NRXN3: variants seen among roughly 807,000 people sequenced by gnomAD.
NRXN3 encodes neurexin III.
Under a neutral mutation model 137.6 loss-of-function variants are expected in NRXN3, and 32 were observed. The ratio of observed to expected loss-of-function variants is 0.23; its 90% confidence interval spans 0.18 to 0.31. The LOEUF (loss-of-function observed/expected upper bound fraction) is 0.31. Among genes scored for constraint, NRXN3 ranks in the 10% least tolerant of loss-of-function variants. NRXN3 has a pLI of 1.00. For synonymous variants in NRXN3, 798 were observed against 784.5 expected, an observed-to-expected ratio of 1.02 and a Z score of -0.29; for missense variants, 1,574 against 2,062.5, an observed-to-expected ratio of 0.76 and a Z score of 4.59.
At chr14:78,240,374 A>G (rs1596292471) in intron 1 of NRXN3, among the ~76,000 whole-genome samples, 1 of 152,186 alleles carries the variant, frequency 6.6e-6, no homozygotes, top group Non-Finnish European at 1.5e-5. Flanking sequence ...CTTCTCTATG[A>G]GGAACATATA....
At chr14:79,006,738 T>C (rs976694500) in intron 15 of NRXN3, among the ~76,000 whole-genome samples, 1 of 152,212 alleles carries the variant, frequency 6.6e-6, no homozygotes, top group African/African-American at 2.4e-5. Context: ...ATATTTATTC[T>C]ATGATTTCCA....
chr14:79,611,959 C>T (rs1000713573), intron 16 of NRXN3: 1 of 152,098 alleles, frequency 6.6e-6, no homozygotes, highest in African/African-American at 2.4e-5. Flanking sequence ...ATTATTAAGG[C>T]AATTAGGAAA....
chr14:78,768,135 G>C (rs928513345), intron 8 of NRXN3, among the ~76,000 whole-genome samples: 7 of 149,094 alleles, frequency 4.7e-5, no homozygotes, highest in Non-Finnish European at 8.9e-5. Context: ...CCAACAAAGA[G>C]AGACTACATG....
Position 79,533,199 on chromosome 14 carries a change from CTG to C in NRXN3, c.3444+65798_3444+65799del, listed in dbSNP as rs200985233. Among the ~76,000 whole-genome samples the C allele has an allele frequency of 9.7e-3, 1,473 of 152,202 alleles. 40 individuals carry two copies. Among genetic ancestry groups the C allele is most frequent in the Middle Eastern group, 0.031 (9 of 294 alleles). On this transcript the variant is annotated intron_variant, in intron 16 of 20. Transcript: ENST00000335750. ...TATACCCATTTTACAGATGAGAAAA[CTG>C]AGAGAGACCTTAAGGAGCTTTCTCA...
intron 15 of NRXN3, among the ~76,000 whole-genome samples, chr14:79,188,795 A>G (rs1342993034): frequency 2.6e-5 from 4 of 152,322 alleles, no homozygotes; most frequent in African/African-American, 7.2e-5. Flanking sequence ...AGTGCTCACC[A>G]TCACTGGCCA....
At chr14:78,467,341 C>T (rs2095138053) in intron 4 of NRXN3, among the ~76,000 whole-genome samples, 1 of 152,132 alleles carries the variant, frequency 6.6e-6, no homozygotes, top group Non-Finnish European at 1.5e-5. Flanking sequence ...AAGTTTCGTG[C>T]TCTGCTACAG....
intron 16 of NRXN3, among the ~76,000 whole-genome samples, chr14:79,553,765 C>T (rs2097399652): frequency 6.6e-6 from 1 of 152,142 alleles, no homozygotes; most frequent in African/African-American, 2.4e-5. Flanking sequence ...ATTAGTATCC[C>T]CTCACTGAGT....
chr14:78,568,600 G>A (rs574880994), intron 4 of NRXN3, among the ~76,000 whole-genome samples: 1 of 152,122 alleles, frequency 6.6e-6, no homozygotes, highest in Admixed American at 6.5e-5. Flanking sequence ...CAACAGTATT[G>A]ATTTTCTTTA....
chr14:78,704,269 T>C (rs559152612), intron 6 of NRXN3, among the ~76,000 whole-genome samples: 2 of 152,300 alleles, frequency 1.3e-5, no homozygotes, highest in South Asian at 2.1e-4. Flanking sequence ...AGCTTCCTCA[T>C]TGGTAGGTAA....
chr14:78,343,745 A>G (rs1181472507), intron 4 of NRXN3, among the ~76,000 whole-genome samples: 1 of 152,186 alleles, frequency 6.6e-6, no homozygotes, highest in Admixed American at 6.5e-5. Flanking sequence ...AACCTCCTCC[A>G]GCCCACTGTT....
At chr14:79,333,702 G>A (rs948910691) in intron 15 of NRXN3, among the ~76,000 whole-genome samples, 4 of 152,112 alleles carry the variant, frequency 2.6e-5, no homozygotes, top group African/African-American at 9.7e-5. Flanking sequence ...CTTCTCCTTT[G>A]TCCAGTGTAG....
intron 15 of NRXN3, among the ~76,000 whole-genome samples, chr14:79,119,926 G>C (rs370986582): frequency 2.8e-4 from 42 of 151,974 alleles, no homozygotes; most frequent in African/African-American, 9.9e-4. Context: ...CCTAATCATT[G>C]AAATCAATAA....
Position 78,649,283 on chromosome 14 carries a change from C to A in NRXN3, c.1060-1882C>A. ...CTCCGCAAAGCACTCAGGCATCGGACACGCTATGGTAAACAAACTACATTG... is the reference window on the plus strand; with the variant it reads ...CTCCGCAAAGCACTCAGGCATCGGAAACGCTATGGTAAACAAACTACATTG... On this transcript the variant is annotated intron_variant, in intron 5 of 20. Transcript: ENST00000335750. 3 of 1,344,782 alleles carry A rather than the reference C, an allele frequency of 2.2e-6. No homozygotes were observed. The South Asian group carries it at 3.6e-5, about 16-fold the overall frequency. The allele number at this position is 1,344,782 out of a possible 1,614,324, so 83.3% of individuals were successfully genotyped here. A position where few individuals can be genotyped will look rare whatever the true frequency, so the allele number is the denominator to read the frequency against.
Position 78,979,516 on chromosome 14 carries a change from A to AT in NRXN3, c.3143-8499dup, listed in dbSNP as rs150626252. On this transcript the variant is annotated intron_variant, in intron 14 of 20. Transcript: ENST00000335750. ...CCTTCCACCCAACTACTGTTCACTC[A>AT]TTTTTTTCCTATAAAACAATGTAAA... is the stretch of plus-strand genomic sequence containing the variant. 8.2e-3 allele frequency among the ~76,000 whole-genome samples: 1,251 copies of AT among 151,990 alleles called. 12 individuals are homozygous for AT. The highest frequency in any genetic ancestry group is 0.028 in the African/African-American group (1,178 of 41,466).
intron 11 of NRXN3, among the ~76,000 whole-genome samples, chr14:78,959,062 G>A (rs2152973134): frequency 6.6e-6 from 1 of 152,084 alleles, no homozygotes; most frequent in African/African-American, 2.4e-5. Context: ...GTAATTTGGG[G>A]TCTTATAATT....
chr14:79,493,442 A>G (rs964238855), intron 16 of NRXN3, among the ~76,000 whole-genome samples: 1 of 152,248 alleles, frequency 6.6e-6, no homozygotes, highest in African/African-American at 2.4e-5. Flanking sequence ...TCCTTGATAG[A>G]TGCATCCTGG....
intron 4 of NRXN3, among the ~76,000 whole-genome samples, chr14:78,368,448 C>A (rs532460935): frequency 6.6e-6 from 1 of 152,202 alleles, no homozygotes; most frequent in Non-Finnish European, 1.5e-5. Context: ...CAGCGGCTTA[C>A]GCCTGTAATC....
intron 1 of NRXN3, among the ~76,000 whole-genome samples, chr14:78,172,260 G>A (rs1328958488): frequency 6.6e-6 from 1 of 152,124 alleles, no homozygotes; most frequent in Non-Finnish European, 1.5e-5. Context: ...CTATCTGGGG[G>A]CACCTGGAGG....
rs532424344 is a variant in NRXN3 at position 79,268,681 on chromosome 14, C to A, written c.3263-198540C>A. 2.6e-5 allele frequency among the ~76,000 whole-genome samples: 4 copies of A among 152,240 alleles called. No homozygotes were observed. The South Asian group carries it at 8.3e-4, about 32-fold the overall frequency. On this transcript the variant is annotated intron_variant, in intron 15 of 20. Transcript: ENST00000335750. ...GGATTTAGCAACAGAATAGTAATGC[C>A]ATTTAGACCGTAGACACAGTAGATA... is the stretch of plus-strand genomic sequence containing the variant.
Sources: allele counts gnomAD v4.1 joint callset (sites outside exome capture counted in the v4.1 genomes callset), GRCh38; gene constraint gnomAD v4.1.1; transcripts MANE v1.5; gene names NCBI Gene and HGNC (gene_info 2026-07-23, HGNC 2026-07-21).